Variants in BTAF1 observed in about 807,000 individuals in gnomAD.
BTAF1 encodes B-TFIID TATA-box binding protein associated factor 1, also known as TATA-binding protein-associated factor 172.
In BTAF1, 38 loss-of-function variants were observed where a neutral mutation model predicts 227.1. The ratio of observed to expected loss-of-function variants is 0.17; its 90% CI spans 0.13 to 0.22. The LOEUF (loss-of-function observed/expected upper bound fraction) is 0.22, where lower values mean the gene tolerates loss of function less well. BTAF1 is among the 10% of genes least tolerant of loss of function. The probability of loss-of-function intolerance (pLI) is 1.00; values close to 1 mark genes in which losing one functional copy is unlikely to be tolerated. For synonymous variants in BTAF1, 742 were observed against 751.9 expected (o/e 0.99, Z 0.21); for missense variants, 1,598 against 2,204.0 (o/e 0.73, Z 5.51).
chr10:91,926,355 A>G (rs1843828265), intron 1 of BTAF1, among the ~76,000 whole-genome samples: 1 of 152,258 alleles, frequency 6.6e-6, no homozygotes, highest in East Asian at 1.9e-4. Flanking sequence ...AATTTCCAAC[A>G]GATGGGAAAT....
At chr10:91,926,215 A>G (rs1038668290) in intron 1 of BTAF1, among the ~76,000 whole-genome samples, 6 of 152,184 alleles carry the variant, frequency 3.9e-5, no homozygotes, top group Non-Finnish European at 7.3e-5. Flanking sequence ...TATTTTACGT[A>G]AAATAGGTGG....
chr10:92,027,394 C>A, intron 37 of BTAF1, 94 bp downstream of exon 37: 5 of 1,191,212 alleles, frequency 4.2e-6, no homozygotes, highest in Non-Finnish European at 5.8e-6. Context: ...AATGCGTTTA[C>A]TTTAGTATCC....
chr10:91,968,928 A>G (rs759794166), intron 14 of BTAF1, among the ~76,000 whole-genome samples: 1 of 151,808 alleles, frequency 6.6e-6, no homozygotes, highest in Non-Finnish European at 1.5e-5. Flanking sequence ...GGGTGTGATC[A>G]TAGCTTACTG....
intron 4 of BTAF1, among the ~76,000 whole-genome samples, chr10:91,943,574 T>G (rs892475987): frequency 2.0e-5 from 3 of 152,188 alleles, no homozygotes; most frequent in Non-Finnish European, 4.4e-5. Context: ...ATAAAAAATG[T>G]CAAATACTCA....
chr10:91,980,504 T>G lies in BTAF1; in HGVS notation c.1701T>G (p.Ile567Met). 3.7e-6 allele frequency: 6 copies of G among 1,613,320 alleles called. No homozygotes were observed. The highest frequency in any genetic ancestry group is 5.1e-6 in the Non-Finnish European group (6 of 1,179,488). ...TACTGCCTGATATGCTCCGACACAT[T>G]TTTCAGTTCTGTGTTTTGGAAAGCA... ...IPILPDMLRH[I>M]FQFCVLESSQ... Residue 567 changes from isoleucine to methionine, a missense_variant, in exon 15 of 38, where the codon ATT (isoleucine) becomes ATG (methionine). Ile to Met is a conservative substitution (Grantham distance 10). Coordinates refer to ENST00000265990, the MANE Select transcript of BTAF1 (RefSeq NM_003972.3).
In BTAF1 at chr10:91,979,349, G is replaced by A. The variant is rs112806776; in HGVS notation, c.1651-1105G>A. 5.3e-5 allele frequency among the ~76,000 whole-genome samples: 8 copies of A among 152,210 alleles called. 1 individual carries two copies. Among genetic ancestry groups the A allele is most frequent in the African/African-American group, 1.7e-4 (7 of 41,538 alleles). ...TAGGTATATACCCAGTAAAGAAATTGCTAGGTCAAATGGCAGTTCTGTTTT... is the reference window on the plus strand; with the variant it reads ...TAGGTATATACCCAGTAAAGAAATTACTAGGTCAAATGGCAGTTCTGTTTT... On this transcript the variant is annotated intron_variant, in intron 14 of 37. Transcript: ENST00000265990.
chr10:91,942,097 G>A (rs1845042581), intron 3 of BTAF1, among the ~76,000 whole-genome samples: 1 of 152,128 alleles, frequency 6.6e-6, no homozygotes. Flanking sequence ...GGGCAAGATG[G>A]TGAGACCCTT....
rs1321008787 is a variant in BTAF1 at position 92,031,084 on chromosome 10, G to C, written c.*2151G>C. ...TAGAATGTTAACTATTTTAAACTGG[G>C]AATTGGGTTCATAGATATCCATTGT... On this transcript the variant is annotated 3_prime_UTR_variant, in exon 38 of 38. Transcript: ENST00000265990. 4.6e-5 allele frequency among the ~76,000 whole-genome samples: 7 copies of C among 152,278 alleles called. No individual in the cohort carries two copies. Among genetic ancestry groups the C allele is most frequent in the Non-Finnish European group, 1.0e-4 (7 of 68,008 alleles).
At position 91,928,771 on chromosome 10, in the gene BTAF1, C is replaced by A. The variant is rs1163037398; in HGVS notation, c.14+4681C>A. Among the ~76,000 whole-genome samples, 20 of 121,620 alleles carry A rather than the reference C, an allele frequency of 1.6e-4. 1 individual carries two copies. Among genetic ancestry groups the A allele is most frequent in the Admixed American group, 1.1e-3 (14 of 12,478 alleles). The allele number at this position is 121,620 out of a possible 152,430, so 79.8% of individuals were successfully genotyped here. On this transcript the variant is annotated intron_variant, in intron 1 of 37. Transcript: ENST00000265990. ...AGAGCAAGAATCCATCCCCCCCCCC[C>A]CCGCCCCCCAAAAAAAGCAACCTGA...
intron 25 of BTAF1, among the ~76,000 whole-genome samples, chr10:92,007,519 C>G (rs1850006999): frequency 6.6e-6 from 1 of 151,954 alleles, no homozygotes; most frequent in South Asian, 2.1e-4. Context: ...CACCATGCCT[C>G]GCTTATCAAG....
rs1402399907 is a variant in BTAF1 at position 91,951,517 on chromosome 10, A to C, written c.515A>C (p.Glu172Ala). 6.2e-7 allele frequency: 1 copy of C among 1,611,774 alleles called. No homozygotes were observed. The highest frequency in any genetic ancestry group is 8.5e-7 in the Non-Finnish European group (1 of 1,179,246). The change falls in exon 5 of 38, where the codon GAG becomes GCG. Residue 172 changes from glutamate (E) to alanine (A), a missense_variant. Glu to Ala is a moderately radical substitution (Grantham distance 107). This residue lies in a region of BTAF1 where 298 missense variants were observed against 395.2 expected (regional missense o/e 0.75). Transcript: ENST00000265990. ...AGTACTGAAGAACTTTTCAATGATG[A>C]GGATTTGGATTATACCCCAACTTCA... ...GMSTEELFND[E>A]DLDYTPTSAS...
At chr10:91,974,107 C>G (rs989450896) in intron 14 of BTAF1, among the ~76,000 whole-genome samples, 1 of 152,148 alleles carries the variant, frequency 6.6e-6, no homozygotes, top group South Asian at 2.1e-4. Context: ...TTACTAGTAG[C>G]TGTGTCCTGG....
rs187768532 is a variant in BTAF1, at chr10:91,964,441, G to A, written c.1529+240G>A. Among the ~76,000 whole-genome samples the A allele has an allele frequency of 9.4e-4, 142 of 151,774 alleles. No individual in the cohort carries two copies. The South Asian group carries it at 0.013, about 14-fold the overall frequency. On this transcript the variant is annotated intron_variant, in intron 13 of 37. Coordinates refer to ENST00000265990, the MANE Select transcript of BTAF1 (RefSeq NM_003972.3). ...TTTCAGTTATATAATTCATCGTCTT[G>A]TTCGTCTTATAATTGTTTACTTAGA...
At chr10:91,934,502 G>T (rs2133787822) in intron 1 of BTAF1, among the ~76,000 whole-genome samples, 2 of 152,216 alleles carry the variant, frequency 1.3e-5, no homozygotes, top group Middle Eastern at 3.4e-3. Flanking sequence ...CTCCCAAAGT[G>T]CTGGGATTAC....
At chr10:91,991,115 A>G (rs1364647598) in intron 20 of BTAF1, among the ~76,000 whole-genome samples, 1 of 149,944 alleles carries the variant, frequency 6.7e-6, no homozygotes, top group Non-Finnish European at 1.5e-5. Context: ...GCATGGTGGC[A>G]GGCACCTGTA....
In BTAF1 at chr10:92,028,800, C is replaced by G. The variant is rs1054111182; in HGVS notation, c.5417C>G (p.Ala1806Gly). 1 of 1,581,730 alleles carries G rather than the reference C, an allele frequency of 6.3e-7. No homozygotes were observed. Among genetic ancestry groups the G allele is most frequent in the African/African-American group, 1.4e-5 (1 of 72,438 alleles). ...CCAATTTTTCTTAAGGATGGCAAAGCAGAAAAAGCTGACACCTCTACTTCT... is the reference window on the plus strand; with the variant it reads ...CCAATTTTTCTTAAGGATGGCAAAGGAGAAAAAGCTGACACCTCTACTTCT... Reference protein sequence around the residue: ...DLFTLDKDGKAEKADTSTSGK... With the variant: ...DLFTLDKDGKGEKADTSTSGK... Residue 1806 changes from alanine to glycine, a missense_variant, in exon 38 of 38, where the codon GCA (alanine) becomes GGA (glycine). By Grantham distance (60) the Ala-to-Gly change is moderately conservative. Coordinates refer to ENST00000265990, the MANE Select transcript of BTAF1 (RefSeq NM_003972.3).
intron 37 of BTAF1, among the ~76,000 whole-genome samples, chr10:92,027,752 C>T (rs1350021013): frequency 6.6e-6 from 1 of 151,966 alleles, no homozygotes; most frequent in Non-Finnish European, 1.5e-5. Flanking sequence ...ATTGTTATTG[C>T]AGATGATGGA....
chr10:91,942,914 A>G (rs1369600451), intron 4 of BTAF1, among the ~76,000 whole-genome samples: 1 of 152,168 alleles, frequency 6.6e-6, no homozygotes, highest in Non-Finnish European at 1.5e-5. Context: ...AGATCGTGGT[A>G]GTGTTTTCAC....
At chr10:91,950,556 C>G (rs1399717276) in intron 4 of BTAF1, among the ~76,000 whole-genome samples, 2 of 151,662 alleles carry the variant, frequency 1.3e-5, no homozygotes, top group Non-Finnish European at 2.9e-5. Flanking sequence ...TTTTAAATGC[C>G]CTTTGGTATG....
Sources: allele counts gnomAD v4.1 joint callset (sites outside exome capture counted in the v4.1 genomes callset), GRCh38; gene constraint gnomAD v4.1.1; regional missense constraint gnomAD v4.1.1; transcripts MANE v1.5; gene names NCBI Gene and HGNC (gene_info 2026-07-23, HGNC 2026-07-21).